The following ZNF717 variants were observed in gnomAD, a reference collection of about 807,000 sequenced individuals.
ZNF717 encodes the protein krueppel-like factor X17.
A neutral mutation model predicts 13.8 loss-of-function variants in ZNF717; 9 were observed. The observed-to-expected ratio is 0.65, with a 90% CI of 0.39 to 1.14. The LOEUF (loss-of-function observed/expected upper bound fraction) is 1.14. Ranked by LOEUF, ZNF717 falls within the 50% of genes most tolerant of loss-of-function variation. The pLI, the probability that ZNF717 is intolerant of heterozygous loss-of-function variation, is 0.01. For missense variants in ZNF717, 1,040 were observed against 1,080.7 expected, an observed-to-expected ratio of 0.96 and a Z score of 0.53; for synonymous variants, 327 against 364.1, an observed-to-expected ratio of 0.90 and a Z score of 1.16.
intron 2 of ZNF717, among the ~76,000 whole-genome samples, chr3:75,752,303 G>T (rs960477548): frequency 5.1e-4 from 30 of 58,274 alleles, no homozygotes; most frequent in African/African-American, 1.5e-3. Flanking sequence ...GGCTACGAGG[G>T]TCTGAATGTT....
intron 2 of ZNF717, among the ~76,000 whole-genome samples, chr3:75,766,605 A>G (rs1430331727): frequency 2.0e-5 from 3 of 152,380 alleles, no homozygotes; most frequent in African/African-American, 4.8e-5. Flanking sequence ...CTGGTGAATT[A>G]ATACTGCTCT....
At chr3:75,781,972 C>A (rs1944858025) in intron 2 of ZNF717, among the ~76,000 whole-genome samples, 1 of 152,116 alleles carries the variant, frequency 6.6e-6, no homozygotes, top group Admixed American at 6.5e-5. Flanking sequence ...CCTCCCCTCT[C>A]TAAACCAAAG....
At chr3:75,761,306 T>C (rs757162368) in intron 2 of ZNF717, among the ~76,000 whole-genome samples, 6 of 148,820 alleles carry the variant, frequency 4.0e-5, no homozygotes, top group Admixed American at 2.0e-4. Context: ...TCAACATTTA[T>C]CTGGTTCCAC....
intron 2 of ZNF717, among the ~76,000 whole-genome samples, chr3:75,765,215 A>G (rs905891988): frequency 2.0e-5 from 3 of 151,906 alleles, no homozygotes; most frequent in Non-Finnish European, 4.4e-5. Context: ...AGTACTTGCC[A>G]GGAGGTGGAA....
intron 4 of ZNF717, among the ~76,000 whole-genome samples, chr3:75,740,801 A>G (rs2107175335): frequency 6.6e-6 from 1 of 152,306 alleles, no homozygotes; most frequent in South Asian, 2.1e-4. Context: ...ACTGCACTTC[A>G]GTCTGAGAAA....
At chr3:75,742,190 G>A (rs1940551989) in intron 2 of ZNF717, among the ~76,000 whole-genome samples, 27 of 45,048 alleles carry the variant, frequency 6.0e-4, no homozygotes, top group African/African-American at 1.3e-3. Context: ...TAGGCATAAT[G>A]CTGCATGCCT....
At chr3:75,708,642 G>A (rs1937858186), downstream of ZNF717, among the ~76,000 whole-genome samples, 1 of 152,158 alleles carries the variant, frequency 6.6e-6, no homozygotes, top group African/African-American at 2.4e-5. Context: ...GTTGAGAGAA[G>A]AAGGATCCAG....
chr3:75,741,862 A>G, intron 2 of ZNF717, 126 bp from the exon 3 acceptor site: 1 of 1,304,682 alleles, frequency 7.7e-7, no homozygotes, highest in African/African-American at 1.5e-5. Context: ...AAGGACACCA[A>G]CCCCTGTAAT....
Position 75,783,337 on chromosome 3 carries a change from A to G in ZNF717, c.26T>C (p.Phe9Ser). MFPVFSGC[F>S]QELQEKNKSL... ...TTTATTCTTTTCTTGTAGCTCTTGG[A>G]AACAGCCAGAGAACACTGGAAACAT... Residue 9 changes from phenylalanine to serine, a missense_variant, in exon 2 of 5, where the codon TTC (phenylalanine) becomes TCC (serine). Coordinates refer to ENST00000652011, the MANE Select transcript of ZNF717 (RefSeq NM_001290208.3). The G allele has an allele frequency of 2.6e-6, 4 of 1,551,394 alleles. No individual in the cohort carries two copies. The highest frequency in any genetic ancestry group is 2.7e-5 in the African/African-American group (2 of 73,162).
At chr3:75,735,643 A>T (rs948319467), downstream of ZNF717, among the ~76,000 whole-genome samples, 2 of 138,944 alleles carry the variant, frequency 1.4e-5, no homozygotes, top group East Asian at 4.2e-4. Flanking sequence ...AATAAAAAAA[A>T]AAAAAAAAAA....
chr3:75,697,300 A>C (rs488647), intron 6 of ZNF717, among the ~76,000 whole-genome samples: 3 of 151,312 alleles, frequency 2.0e-5, no homozygotes, highest in African/African-American at 7.3e-5. Flanking sequence ...TCCTCTGATA[A>C]GGTTTGAATA....
intron 2 of ZNF717, among the ~76,000 whole-genome samples, chr3:75,752,613 A>G (rs1488830763): frequency 7.9e-6 from 1 of 125,982 alleles, no homozygotes; most frequent in Non-Finnish European, 1.8e-5. Context: ...ACAGGATTCC[A>G]GAGCACTCTG....
At chr3:75,774,446 G>T (rs1944148213) in intron 2 of ZNF717, among the ~76,000 whole-genome samples, 1 of 151,900 alleles carries the variant, frequency 6.6e-6, no homozygotes. Context: ...TGCTACAGAG[G>T]CCCCTGAAAC....
intron 2 of ZNF717, among the ~76,000 whole-genome samples, chr3:75,751,440 C>T (rs1460663184): frequency 1.2e-4 from 18 of 149,438 alleles, no homozygotes; most frequent in Non-Finnish European, 2.5e-4. Flanking sequence ...AAGAACACTG[C>T]TGCTGGGGTC....
chr3:75,753,175 T>C lies in ZNF717; in HGVS notation c.58-11439A>G, dbSNP rs76341437. Among the ~76,000 whole-genome samples the C allele has an allele frequency of 6.5e-4, 50 of 77,386 alleles. 1 individual carries two copies. Among genetic ancestry groups the C allele is most frequent in the African/African-American group, 2.3e-3 (47 of 20,058 alleles). 50.8% of individuals were successfully genotyped at this position (77,386 alleles called of 152,430 possible). The stretch of plus-strand genomic sequence containing the variant: ...GGGTTTTGAATGTCTGTCCCTCACA[T>C]AGAATTCCAGAACACTGCTGCGAGT... On this transcript the variant is annotated intron_variant, in intron 2 of 4. Transcript: ENST00000652011.
chr3:75,715,965 GGTTT>G (rs1938039765), intron 5 of ZNF717, among the ~76,000 whole-genome samples: 2 of 137,558 alleles, frequency 1.5e-5, no homozygotes, highest in South Asian at 2.8e-4. Context: ...GGTTTTTTTT[GGTTT>G]GTTTTTTTGT....
At chr3:75,699,553 C>T (rs1347381346) in intron 6 of ZNF717, among the ~76,000 whole-genome samples, 8 of 152,198 alleles carry the variant, frequency 5.3e-5, no homozygotes, top group African/African-American at 1.9e-4. Flanking sequence ...TGTAGCACCT[C>T]CCCCCTGCCC....
At chr3:75,712,583 A>G (rs77980718) in intron 5 of ZNF717, among the ~76,000 whole-genome samples, 2 of 152,208 alleles carry the variant, frequency 1.3e-5, no homozygotes, top group Admixed American at 1.3e-4. Flanking sequence ...CATTGGTGAC[A>G]TTCTTGGGCT....
chr3:75,704,214 T>A (rs1407381881), intron 6 of ZNF717, among the ~76,000 whole-genome samples: 1 of 152,312 alleles, frequency 6.6e-6, no homozygotes, highest in Admixed American at 6.5e-5. Context: ...TCCAACTCTG[T>A]AATGGAGTCA....
Sources: gnomAD v4.1 joint callset for allele counts (sites outside exome capture counted in the v4.1 genomes callset) on GRCh38, gnomAD v4.1.1 for gene constraint, MANE v1.5 for transcripts, NCBI Gene and HGNC (gene_info 2026-07-23, HGNC 2026-07-21) for gene names.